CDHR1: variants seen among roughly 807,000 people sequenced by gnomAD.
CDHR1 encodes cadherin-related family member 1.
Under a neutral mutation model 72.1 loss-of-function variants are expected in CDHR1, and 61 were observed. The observed-to-expected ratio is 0.85, with a 90% confidence interval of 0.69 to 1.05. CDHR1 has a LOEUF of 1.05. Ranked by LOEUF, CDHR1 falls within the 50% of genes least tolerant of loss-of-function variation. The pLI, the probability that CDHR1 is intolerant of heterozygous loss-of-function variation, is 0.00. For synonymous variants in CDHR1, 470 were observed against 448.1 expected, an observed-to-expected ratio of 1.05 and a Z score of -0.62; for missense variants, 1,186 against 1,115.7, an observed-to-expected ratio of 1.06 and a Z score of -0.90.
chr10:84,219,430 C>A, downstream of CDHR1: 3 of 1,260,384 alleles, frequency 2.4e-6, no homozygotes, highest in Non-Finnish European at 3.1e-6. Context: ...TTCTCTCATC[C>A]TGACCCCTCT....
chr10:84,196,371 G>A (rs1321506234), intron 2 of CDHR1, 134 bp from the exon 3 acceptor site: 29 of 949,564 alleles, frequency 3.1e-5, no homozygotes, highest in Non-Finnish European at 4.4e-5. Context: ...TGAGCACCAA[G>A]TTCAGGGCAG....
intron 10 of CDHR1, 136 bp downstream of exon 10, chr10:84,206,063 A>G (rs10788335): frequency 0.58 from 406,016 of 705,188 alleles, 121,191 homozygotes; most frequent in African/African-American, 0.86. Flanking sequence ...GAGCACCTGC[A>G]CCAGACATGA....
At chr10:84,211,509 G>T in intron 13 of CDHR1, 139 bp from the exon 14 acceptor site, 1 of 773,120 alleles carries the variant, frequency 1.3e-6, no homozygotes, top group South Asian at 1.6e-5. Context: ...TCCCGGGCAG[G>T]TCTCTCCACC....
At chr10:84,211,594 G>T in intron 13 of CDHR1, 54 bp from the exon 14 acceptor site, 1 of 1,517,470 alleles carries the variant, frequency 6.6e-7, no homozygotes, top group Non-Finnish European at 9.2e-7. Context: ...CATGGGAGCT[G>T]CCAACATACC....
intron 6 of CDHR1, among the ~76,000 whole-genome samples, chr10:84,201,566 G>A (rs2132802468): frequency 6.6e-6 from 1 of 152,332 alleles, no homozygotes; most frequent in South Asian, 2.1e-4. Flanking sequence ...CAGCTGAGCA[G>A]GAGGAAAAAC....
chr10:84,211,779 G>A, intron 14 of CDHR1, 64 bp downstream of exon 14: 1 of 1,417,284 alleles, frequency 7.1e-7, no homozygotes, highest in Non-Finnish European at 1.0e-6. Context: ...GAGGGTGGAG[G>A]AGGTCTGTGG....
At position 84,208,360 on chromosome 10, in the gene CDHR1, G is replaced by A. The variant is rs150475580; in HGVS notation, c.1150G>A (p.Val384Ile). 2.2e-5 allele frequency: 35 copies of A among 1,614,016 alleles called. No individual in the cohort carries two copies. Among genetic ancestry groups the A allele is most frequent in the South Asian group, 7.7e-5 (7 of 91,090 alleles). Reference sequence around the variant, plus strand: ...GATCCTGCGGGGCCTCAAGATCACCGTCAATGACTCCGACCAGGTGTGTGG... The same window carrying A: ...GATCCTGCGGGGCCTCAAGATCACCATCAATGACTCCGACCAGGTGTGTGG... ...GEILRGLKITVNDSDQGANAK... is the reference protein window; with the variant it reads ...GEILRGLKITINDSDQGANAK... The change falls in exon 11 of 17, where the codon GTC becomes ATC. Residue 384 changes from valine (V) to isoleucine (I), a missense_variant. Coordinates refer to ENST00000623527, the MANE Select transcript of CDHR1 (RefSeq NM_033100.4).
intron 4 of CDHR1, 93 bp downstream of exon 4, chr10:84,197,929 G>A: frequency 8.1e-7 from 1 of 1,230,716 alleles, no homozygotes; most frequent in Non-Finnish European, 1.2e-6. Context: ...GCCTTCATGG[G>A]GGCTTTTCTG....
intron 15 of CDHR1, 22 bp downstream of exon 15, chr10:84,212,429 G>A (rs1285149057): frequency 1.3e-6 from 2 of 1,589,874 alleles, no homozygotes; most frequent in African/African-American, 1.3e-5. Context: ...AGGCAGCTGA[G>A]CTCCCCTAAA....
In CDHR1 at chr10:84,214,081, G is replaced by T; in HGVS notation, c.2041-1G>T. 2 of 1,614,182 alleles carry T rather than the reference G, an allele frequency of 1.2e-6. No individual in the cohort carries two copies. Among genetic ancestry groups the T allele is most frequent in the Non-Finnish European group, 1.7e-6 (2 of 1,180,044 alleles). ...GTGCAGGGAGTGGCTTTCTCTTTCA[G>T]ACCCTCTCCCGGAGCCCCATGGCTG... On this transcript the variant is annotated splice_acceptor_variant, in intron 16 of 16. Transcript: ENST00000623527. LOFTEE classifies it high-confidence loss of function.
At chr10:84,207,033 C>A (rs556861331) in intron 10 of CDHR1, among the ~76,000 whole-genome samples, 1 of 152,104 alleles carries the variant, frequency 6.6e-6, no homozygotes, top group Non-Finnish European at 1.5e-5. Flanking sequence ...TACAGGACAG[C>A]AGGCAAGTGA....
chr10:84,201,357 C>A (rs1370883074), intron 6 of CDHR1, among the ~76,000 whole-genome samples: 1 of 152,186 alleles, frequency 6.6e-6, no homozygotes, highest in South Asian at 2.1e-4. Flanking sequence ...CACACCCTCT[C>A]CCCCGATGCC....
In CDHR1 at chr10:84,195,505, T is replaced by C. The variant is rs976946457; in HGVS notation, c.67T>C (p.Phe23Leu). 1 of 1,614,056 alleles carries C rather than the reference T, an allele frequency of 6.2e-7. No individual in the cohort carries two copies. Among genetic ancestry groups the C allele is most frequent in the Middle Eastern group, 1.6e-4 (1 of 6,062 alleles). ...TGTTCTTTTTCCAGCTCAGGCCAAC[T>C]TCGCCCCGCACTTCTTCGACAACGG... is the stretch of plus-strand genomic sequence containing the variant. Reference protein sequence around the residue: ...LLRLCLAQANFAPHFFDNGVG... With the variant: ...LLRLCLAQANLAPHFFDNGVG... The change falls in exon 2 of 17, where the codon TTC becomes CTC. Residue 23 changes from phenylalanine to leucine, a missense_variant. Transcript: ENST00000623527.
intron 12 of CDHR1, among the ~76,000 whole-genome samples, chr10:84,209,711 C>CA: frequency 6.7e-6 from 1 of 149,022 alleles, no homozygotes; most frequent in Non-Finnish European, 1.5e-5. Context: ...AGTTAATGCA[C>CA]AAAATCCAGT....
At position 84,199,055 on chromosome 10, in the gene CDHR1, G is replaced by A; in HGVS notation, c.372G>A (p.Leu124=). The A allele has an allele frequency of 1.3e-6, 2 of 1,551,730 alleles. No individual in the cohort carries two copies. Among genetic ancestry groups the A allele is most frequent in the Non-Finnish European group, 1.7e-6 (2 of 1,147,020 alleles). ...LNLVAEKVVI[L]VTDANDEAPR... ...AGGTGGCCGAAAAAGTCGTGATCCT[G>A]GTGACCGATGCCAATGATGAGGCGC... The change falls in exon 5 of 17, where the codon CTG becomes CTA. Residue 124 remains leucine (L), a synonymous_variant. Coordinates refer to ENST00000623527, the MANE Select transcript of CDHR1 (RefSeq NM_033100.4).
At chr10:84,198,008 G>C (rs1462045804) in intron 4 of CDHR1, among the ~76,000 whole-genome samples, 172 bp downstream of exon 4, 1 of 152,170 alleles carries the variant, frequency 6.6e-6, no homozygotes, top group Non-Finnish European at 1.5e-5. Flanking sequence ...GCAAGGCCAG[G>C]GGGAAGGAAG....
Position 84,200,879 on chromosome 10 carries a change from G to A in CDHR1, c.525+192G>A, listed in dbSNP as rs116838536. Among the ~76,000 whole-genome samples, 590 of 152,262 alleles carry A rather than the reference G, an allele frequency of 3.9e-3. 6 individuals carry two copies. Among genetic ancestry groups the A allele is most frequent in the African/African-American group, 0.014 (562 of 41,550 alleles). On this transcript the variant is annotated intron_variant, in intron 6 of 16. Transcript: ENST00000623527. ...CTTCCCCTGATGGGCCCATCCTGGC[G>A]TCCTCTAAGTCAGCCTGTCCCCTCC...
intron 2 of CDHR1, 25 bp downstream of exon 2, chr10:84,195,614 C>T (rs774853635): frequency 2.5e-6 from 4 of 1,587,850 alleles, no homozygotes; most frequent in African/African-American, 1.3e-5. Flanking sequence ...CACCTGCTCC[C>T]GATAGGTCTC....
intron 16 of CDHR1, 23 bp downstream of exon 16, chr10:84,213,371 G>GA: frequency 6.2e-7 from 1 of 1,613,998 alleles, no homozygotes. Flanking sequence ...CCATGGTCAG[G>GA]AAAAAGGGGT....
Sources: allele counts gnomAD v4.1 joint callset (sites outside exome capture counted in the v4.1 genomes callset), GRCh38; gene constraint gnomAD v4.1.1; transcripts MANE v1.5; gene names NCBI Gene and HGNC (gene_info 2026-07-23, HGNC 2026-07-21).